P4HA1: variants seen among roughly 807,000 people sequenced by gnomAD.
P4HA1 encodes prolyl 4-hydroxylase subunit alpha 1, also known as prolyl 4-hydroxylase subunit alpha-1.
A neutral mutation model predicts 72.8 loss-of-function variants in P4HA1; 24 were observed. The ratio of observed to expected loss-of-function variants is 0.33; its 90% CI spans 0.24 to 0.46. The LOEUF (loss-of-function observed/expected upper bound fraction) is 0.46, where lower values mean the gene tolerates loss of function less well. Ranked by LOEUF, P4HA1 falls within the 20% of genes least tolerant of loss-of-function variation. The pLI is 1.00. For missense variants in P4HA1, 446 were observed against 640.6 expected (o/e 0.70, Z 3.28); for synonymous variants, 201 against 218.8 (o/e 0.92, Z 0.72).
intron 5 of P4HA1, among the ~76,000 whole-genome samples, chr10:73,053,995 C>T (rs1304372210): frequency 1.3e-5 from 2 of 151,992 alleles, no homozygotes; most frequent in African/African-American, 2.4e-5. Context: ...CAGCTCACCA[C>T]AACCTCCGCC....
At chr10:73,072,327 G>A (rs1841583072) in intron 3 of P4HA1, 147 bp from the exon 4 acceptor site, 1 of 606,018 alleles carries the variant, frequency 1.7e-6, no homozygotes, top group African/African-American at 1.8e-5. Context: ...TACGGTCTCG[G>A]TCTCTTTAAA....
intron 1 of P4HA1, among the ~76,000 whole-genome samples, chr10:73,088,625 G>A (rs1282256494): frequency 6.6e-6 from 1 of 152,204 alleles, no homozygotes; most frequent in Non-Finnish European, 1.5e-5. Context: ...ATCCACTGGT[G>A]GATTCATGTC....
chr10:73,059,125 T>C (rs367995267), intron 5 of P4HA1, among the ~76,000 whole-genome samples: 1 of 151,950 alleles, frequency 6.6e-6, no homozygotes, highest in Non-Finnish European at 1.5e-5. Context: ...GGAGTAGATA[T>C]ATATTTGCTT....
At chr10:73,037,817 T>C (rs1840634430) in intron 9 of P4HA1, among the ~76,000 whole-genome samples, 1 of 151,194 alleles carries the variant, frequency 6.6e-6, no homozygotes, top group African/African-American at 2.4e-5. Flanking sequence ...CAGAGCAGTG[T>C]TGTTAAAAGT....
At chr10:73,061,241 T>C (rs892206916) in intron 5 of P4HA1, among the ~76,000 whole-genome samples, 5 of 152,180 alleles carry the variant, frequency 3.3e-5, no homozygotes, top group South Asian at 2.1e-4. Flanking sequence ...AGAAAGTTCA[T>C]AGCGCCACCT....
intron 10 of P4HA1, among the ~76,000 whole-genome samples, chr10:73,028,813 G>A (rs1243803881): frequency 6.6e-6 from 1 of 152,004 alleles, no homozygotes; most frequent in East Asian, 2.0e-4. Flanking sequence ...GGGAGGCCAA[G>A]GCAGGCAGAT....
intron 8 of P4HA1, 58 bp downstream of exon 8, chr10:73,046,867 A>G: frequency 2.3e-6 from 3 of 1,278,984 alleles, no homozygotes; most frequent in Non-Finnish European, 3.3e-6. Context: ...TTTTTTACAA[A>G]GAAAAATTGA....
intron 5 of P4HA1, among the ~76,000 whole-genome samples, chr10:73,061,431 GAAAAAA>G (rs60861698): frequency 2.0e-5 from 3 of 148,950 alleles, no homozygotes; most frequent in South Asian, 4.2e-4. Flanking sequence ...TAAAGAGAAA[GAAAAAA>G]AAGGAAAAGG....
chr10:73,009,738 A>T, intron 14 of P4HA1, 69 bp downstream of exon 14: 1 of 879,462 alleles, frequency 1.1e-6, no homozygotes, highest in Non-Finnish European at 1.9e-6. Flanking sequence ...TGTTTTTAAG[A>T]CACAGATAAT....
intron 5 of P4HA1, among the ~76,000 whole-genome samples, chr10:73,056,543 A>C (rs572539103): frequency 1.6e-4 from 24 of 151,820 alleles, no homozygotes; most frequent in African/African-American, 5.1e-4. Flanking sequence ...GAGGCAGGAG[A>C]ATCACTTGAA....
chr10:73,076,116 T>C (rs1841691487), intron 1 of P4HA1, among the ~76,000 whole-genome samples: 1 of 152,080 alleles, frequency 6.6e-6, no homozygotes, highest in Non-Finnish European at 1.5e-5. Flanking sequence ...CTGTGGTGAC[T>C]GATGGTGGAA....
intron 8 of P4HA1, among the ~76,000 whole-genome samples, chr10:73,045,873 C>CCAAA (rs1840845769): frequency 8.9e-6 from 1 of 112,326 alleles, no homozygotes; most frequent in South Asian, 2.7e-4. Context: ...AATCTTTGGC[C>CCAAA]AAAAAAAAAA....
chr10:73,073,633 T>C, intron 3 of P4HA1, 98 bp downstream of exon 3: 2 of 703,406 alleles, frequency 2.8e-6, no homozygotes, highest in Non-Finnish European at 5.1e-6. Flanking sequence ...TTTGTAAGAC[T>C]CAAAAATGGG....
intron 10 of P4HA1, among the ~76,000 whole-genome samples, chr10:73,024,795 A>G (rs978926466): frequency 3.9e-5 from 6 of 152,200 alleles, no homozygotes; most frequent in Admixed American, 1.3e-4. Context: ...ACAGTAAAAA[A>G]TGATAAAGGG....
chr10:73,049,800 A>G (rs1022244566), intron 7 of P4HA1, among the ~76,000 whole-genome samples: 4 of 152,238 alleles, frequency 2.6e-5, no homozygotes, highest in African/African-American at 9.6e-5. Context: ...CAAAACTACA[A>G]GGGATTATTG....
intron 11 of P4HA1, among the ~76,000 whole-genome samples, chr10:73,014,704 A>G (rs1245462600): frequency 6.6e-6 from 1 of 152,082 alleles, no homozygotes; most frequent in Non-Finnish European, 1.5e-5. Flanking sequence ...AATACCCACA[A>G]TTTTAGCTTC....
chr10:73,086,237 C>T (rs950303418), intron 1 of P4HA1, among the ~76,000 whole-genome samples: 43 of 152,158 alleles, frequency 2.8e-4, no homozygotes, highest in African/African-American at 1.0e-3. Context: ...TGAATGTTCA[C>T]GGCAGCAGCA....
intron 5 of P4HA1, among the ~76,000 whole-genome samples, chr10:73,063,492 C>A (rs530813043): frequency 6.6e-6 from 1 of 152,350 alleles, no homozygotes; most frequent in East Asian, 1.9e-4. Context: ...TGCTAAGAAA[C>A]TAACTTCTTA....
intron 9 of P4HA1, 84 bp downstream of exon 9, chr10:73,044,897 C>G: frequency 9.0e-7 from 1 of 1,107,634 alleles, no homozygotes; most frequent in African/African-American, 1.6e-5. Context: ...CTGAAAATGA[C>G]CCACTTTCCT....
Sources: allele counts gnomAD v4.1 joint callset (sites outside exome capture counted in the v4.1 genomes callset), GRCh38; gene constraint gnomAD v4.1.1; transcripts MANE v1.5; gene names NCBI Gene and HGNC (gene_info 2026-07-23, HGNC 2026-07-21).